Variants in ZGRF1 observed in about 807,000 individuals in gnomAD.
The protein encoded by ZGRF1 is zinc finger GRF-type containing 1, also known as 5'-3' DNA helicase ZGRF1.
In ZGRF1, 196 loss-of-function variants were observed where a neutral mutation model predicts 203.5. The observed-to-expected ratio is 0.96, with a 90% CI of 0.86 to 1.08. ZGRF1 has a LOEUF of 1.08. ZGRF1 is among the 50% of genes least tolerant of loss of function. The pLI is 0.00. For missense variants in ZGRF1, 2,326 were observed against 2,416.3 expected (o/e 0.96, Z 0.78); for synonymous variants, 809 against 841.3 (o/e 0.96, Z 0.66).
At chr4:112,628,834 A>G (rs2047318321) in intron 3 of ZGRF1, 1 of 438,140 alleles carries the variant, frequency 2.3e-6, no homozygotes, top group Middle Eastern at 3.4e-4. Context: ...TATCTACAAG[A>G]TTTTAAAGAC....
intron 16 of ZGRF1, chr4:112,565,248 C>T (rs1742813215): frequency 6.3e-7 from 1 of 1,590,676 alleles, no homozygotes; most frequent in African/African-American, 1.3e-5. Flanking sequence ...ACTTCCAGAG[C>T]GCAGCTATCG....
At chr4:112,589,534 AGAAG>A in intron 11 of ZGRF1, 186 bp downstream of exon 11, 1 of 576,068 alleles carries the variant, frequency 1.7e-6, no homozygotes, top group Non-Finnish European at 3.1e-6. Context: ...CTAGATAGCT[AGAAG>A]GGAATATTGT....
chr4:112,550,710 A>G (rs1292495451), intron 22 of ZGRF1, among the ~76,000 whole-genome samples: 1 of 152,166 alleles, frequency 6.6e-6, no homozygotes, highest in Admixed American at 6.5e-5. Flanking sequence ...AAACTTAGCC[A>G]GGCGTAGTGG....
Position 112,584,019 on chromosome 4 carries a change from A to T in ZGRF1, c.4257T>A (p.Ser1419Arg), listed in dbSNP as rs1746721198. Residue 1419 changes from serine to arginine, a missense_variant, in exon 15 of 28, where the codon AGT (serine) becomes AGA (arginine). Transcript: ENST00000505019. ...ATTCCTCATAAAGTGGTATCTTTTG[A>T]CTTCTTAAATATAAGCCAATACTCT... Reference protein sequence around the residue: ...DIKSIGLYLRSQKIPLYEECQ... With the variant: ...DIKSIGLYLRRQKIPLYEECQ... 7 of 1,610,816 alleles carry T rather than the reference A, an allele frequency of 4.3e-6. No individual in the cohort carries two copies. In the South Asian group the frequency reaches 6.7e-5, roughly 15 times the overall value.
chr4:112,568,614 G>C (rs148301397), intron 16 of ZGRF1, among the ~76,000 whole-genome samples: 1,539 of 151,230 alleles, frequency 0.01, 17 homozygotes, highest in Middle Eastern at 0.024. Context: ...TGGAGGCAGA[G>C]GCAGCAGAAC....
Position 112,549,888 on chromosome 4 carries a change from C to T in ZGRF1, c.5347-1508G>A, listed in dbSNP as rs537289022. Among the ~76,000 whole-genome samples, 4 of 152,146 alleles carry T rather than the reference C, an allele frequency of 2.6e-5. No individual in the cohort carries two copies. In the South Asian group the frequency reaches 8.3e-4, roughly 32 times the overall value. On this transcript the variant is annotated intron_variant, in intron 22 of 27. Coordinates refer to ENST00000505019, the MANE Select transcript of ZGRF1 (RefSeq NM_018392.5). ...GACAGCCCCATGTGTCCTAGTGCCC[C>T]TAAAAATTTTCCAGTGGGACAAGGC... is the stretch of plus-strand genomic sequence containing the variant.
intron 8 of ZGRF1, chr4:112,607,918 G>A (rs1264783360): frequency 6.6e-6 from 1 of 151,996 alleles, no homozygotes; most frequent in Non-Finnish European, 1.5e-5. Flanking sequence ...TCTAGTCTGG[G>A]TGACAGAGTA....
At chr4:112,557,553 A>C (rs1177056939) in intron 20 of ZGRF1, among the ~76,000 whole-genome samples, 2 of 152,210 alleles carry the variant, frequency 1.3e-5, no homozygotes, top group Non-Finnish European at 2.9e-5. Context: ...TGGCACAGGA[A>C]GCAGTATAAT....
chr4:112,603,152 T>C (rs1173641937), intron 10 of ZGRF1, among the ~76,000 whole-genome samples: 1 of 152,198 alleles, frequency 6.6e-6, no homozygotes, highest in Non-Finnish European at 1.5e-5. Flanking sequence ...CCCAGAAATC[T>C]GCCTTTGGTA....
At position 112,584,068 on chromosome 4, in the gene ZGRF1, G is replaced by C. The variant is rs1426637667; in HGVS notation, c.4208C>G (p.Pro1403Arg). 3 of 1,613,456 alleles carry C rather than the reference G, an allele frequency of 1.9e-6. No individual in the cohort carries two copies. The highest frequency in any genetic ancestry group is 1.3e-5 in the African/African-American group (1 of 75,000). Residue 1403 changes from proline (P) to arginine (R), a missense_variant, in exon 15 of 28, where the codon CCT becomes CGT. Coordinates refer to ENST00000505019, the MANE Select transcript of ZGRF1 (RefSeq NM_018392.5). ...PGYSTQEGARPGMVLSDIKSI... is the reference protein window; with the variant it reads ...PGYSTQEGARRGMVLSDIKSI... ...CTTAATATCACTTAAAACCATGCCA[G>C]GTCGAGCTCCTTCCTGTGTTGAATA... is the stretch of plus-strand genomic sequence containing the variant.
At chr4:112,566,751 T>C (rs1253120887) in intron 16 of ZGRF1, among the ~76,000 whole-genome samples, 1 of 151,974 alleles carries the variant, frequency 6.6e-6, no homozygotes, top group Non-Finnish European at 1.5e-5. Context: ...TACTGGGGTT[T>C]GTGTCCCTGA....
intron 7 of ZGRF1, among the ~76,000 whole-genome samples, chr4:112,611,512 T>C (rs1433939734): frequency 6.6e-6 from 1 of 152,232 alleles, no homozygotes; most frequent in Non-Finnish European, 1.5e-5. Flanking sequence ...GAACTGACCC[T>C]CCAAAAGTGC....
intron 11 of ZGRF1, among the ~76,000 whole-genome samples, chr4:112,588,837 G>A (rs1230745751): frequency 1.3e-5 from 2 of 152,152 alleles, no homozygotes; most frequent in East Asian, 1.9e-4. Context: ...GTGCTATGCT[G>A]TAATTCTAAC....
chr4:112,609,660 A>G (rs1455416935), intron 7 of ZGRF1, among the ~76,000 whole-genome samples: 2 of 151,814 alleles, frequency 1.3e-5, no homozygotes, highest in South Asian at 2.1e-4. Context: ...TACAAAAACT[A>G]GCCGGGTGTG....
At chr4:112,565,483 T>C (rs1742876484) in intron 16 of ZGRF1, 1 of 660,076 alleles carries the variant, frequency 1.5e-6, no homozygotes, top group Admixed American at 2.8e-5. Context: ...GTTCTGAACG[T>C]TAGGTATTTT....
At position 112,540,872 on chromosome 4, in the gene ZGRF1, T is replaced by C. The variant is rs772001832; in HGVS notation, c.5859A>G (p.Ile1953Met). Residue 1953 changes from isoleucine to methionine, a missense_variant, in exon 26 of 28, where the codon ATA becomes ATG. By Grantham distance (10) the Ile-to-Met change is conservative. Transcript: ENST00000505019. ...KLIQSLIASG[I>M]AGSMIGVITL... ...TTATCACACCAATCATAGAGCCTGC[T>C]ATTCCACTTGCAATCAGTGATTGAA... 3.1e-6 allele frequency: 5 copies of C among 1,592,620 alleles called. No homozygotes were observed. The highest frequency in any genetic ancestry group is 4.3e-6 in the Non-Finnish European group (5 of 1,168,210).
intron 24 of ZGRF1, among the ~76,000 whole-genome samples, chr4:112,543,723 G>A (rs1229243699): frequency 6.6e-6 from 1 of 152,212 alleles, no homozygotes; most frequent in East Asian, 1.9e-4. Flanking sequence ...GAAGGGGAGA[G>A]AACGAATGGT....
At chr4:112,549,446 GTACATA>G (rs1399472898) in intron 22 of ZGRF1, among the ~76,000 whole-genome samples, 2 of 152,056 alleles carry the variant, frequency 1.3e-5, no homozygotes, top group Non-Finnish European at 2.9e-5. Flanking sequence ...ACACATACAT[GTACATA>G]TACATATACA....
intron 3 of ZGRF1, among the ~76,000 whole-genome samples, chr4:112,627,096 C>T (rs568659811): frequency 6.6e-6 from 1 of 152,294 alleles, no homozygotes; most frequent in African/African-American, 2.4e-5. Flanking sequence ...CAGGCATGAG[C>T]CACCGCGCCC....
Sources: allele counts gnomAD v4.1 joint callset (sites outside exome capture counted in the v4.1 genomes callset), GRCh38; gene constraint gnomAD v4.1.1; transcripts MANE v1.5; gene names NCBI Gene and HGNC (gene_info 2026-07-23, HGNC 2026-07-21).